The following PTPRD variants were observed in gnomAD, a reference collection of about 807,000 sequenced individuals.
The protein encoded by PTPRD is receptor-type tyrosine-protein phosphatase delta.
In PTPRD, 34 loss-of-function variants were observed where a neutral mutation model predicts 214.5. The ratio of observed to expected loss-of-function variants is 0.16; its 90% CI spans 0.12 to 0.21. The LOEUF is 0.21. Ranked by LOEUF, PTPRD falls within the 10% of genes least tolerant of loss-of-function variation. The pLI, the probability that PTPRD is intolerant of heterozygous loss-of-function variation, is 1.00. For missense variants in PTPRD, 2,545 were observed against 2,398.7 expected, an observed-to-expected ratio of 1.06 and a Z score of -1.27; for synonymous variants, 1,128 against 845.7, an observed-to-expected ratio of 1.33 and a Z score of -5.79.
At chr9:10,199,061 T>G (rs988990745) in intron 3 of PTPRD, among the ~76,000 whole-genome samples, 3 of 152,046 alleles carry the variant, frequency 2.0e-5, no homozygotes, top group South Asian at 2.1e-4. Flanking sequence ...CAAATTCTTT[T>G]TTTTTTTCTT....
At chr9:9,548,802 C>G (rs368713193) in intron 8 of PTPRD, among the ~76,000 whole-genome samples, 1 of 151,964 alleles carries the variant, frequency 6.6e-6, no homozygotes, top group African/African-American at 2.4e-5. Context: ...ATGGTCAATT[C>G]GGCAAGTAGA....
intron 9 of PTPRD, among the ~76,000 whole-genome samples, chr9:9,259,411 T>C (rs537345835): frequency 6.6e-6 from 1 of 152,058 alleles, no homozygotes; most frequent in South Asian, 2.1e-4. Flanking sequence ...GAGATTCTGC[T>C]GTCTTTGTAC....
chr9:10,262,981 C>G (rs369894439), intron 3 of PTPRD, among the ~76,000 whole-genome samples: 7 of 152,128 alleles, frequency 4.6e-5, no homozygotes, highest in African/African-American at 1.7e-4. Context: ...CTCAAGAGAT[C>G]TGATGGTTTT....
intron 3 of PTPRD, among the ~76,000 whole-genome samples, chr9:10,093,932 C>T (rs1381043986): frequency 6.6e-6 from 1 of 151,240 alleles, no homozygotes; most frequent in Non-Finnish European, 1.5e-5. Context: ...CGGGGGACTA[C>T]TAGAGCAGGG....
At chr9:10,064,234 G>C (rs1257794332) in intron 3 of PTPRD, among the ~76,000 whole-genome samples, 1 of 151,698 alleles carries the variant, frequency 6.6e-6, no homozygotes, top group East Asian at 1.9e-4. Flanking sequence ...TTACAGTATG[G>C]TGAATTGTTT....
intron 2 of PTPRD, among the ~76,000 whole-genome samples, chr9:10,524,750 G>A (rs1050629787): frequency 6.6e-6 from 1 of 152,090 alleles, no homozygotes; most frequent in Non-Finnish European, 1.5e-5. Context: ...AGAGAAAATC[G>A]AGTTCATGGA....
At chr9:8,694,201 A>G (rs1033924957) in intron 12 of PTPRD, among the ~76,000 whole-genome samples, 1 of 152,182 alleles carries the variant, frequency 6.6e-6, no homozygotes, top group Non-Finnish European at 1.5e-5. Context: ...GAAATAAATA[A>G]TTTTCTGGGA....
chr9:9,163,009 C>A (rs1195525073), intron 10 of PTPRD, among the ~76,000 whole-genome samples: 3 of 152,026 alleles, frequency 2.0e-5, no homozygotes, highest in African/African-American at 7.2e-5. Flanking sequence ...TCTGGTGTGC[C>A]TCCTTCCGCA....
chr9:9,497,190 A>G (rs774050463), intron 8 of PTPRD, among the ~76,000 whole-genome samples: 8 of 152,186 alleles, frequency 5.3e-5, no homozygotes, highest in Non-Finnish European at 1.2e-4. Context: ...CTGCACAACA[A>G]TATGAATATA....
At chr9:9,380,512 A>G (rs2061908768) in intron 9 of PTPRD, among the ~76,000 whole-genome samples, 1 of 152,008 alleles carries the variant, frequency 6.6e-6, no homozygotes, top group Admixed American at 6.6e-5. Context: ...TCTTTCTGTT[A>G]TTGATTTATA....
chr9:8,333,517 C>T (rs768719522), intron 43 of PTPRD, among the ~76,000 whole-genome samples: 17 of 152,144 alleles, frequency 1.1e-4, no homozygotes, highest in Admixed American at 2.6e-4. Flanking sequence ...GAGATTATGT[C>T]ACCACCAGGC....
At chr9:10,016,716 G>A (rs1380285163) in intron 4 of PTPRD, among the ~76,000 whole-genome samples, 2 of 151,732 alleles carry the variant, frequency 1.3e-5, no homozygotes, top group Non-Finnish European at 2.9e-5. Context: ...CCAGGCTGGA[G>A]TGCAGTGGCA....
At chr9:9,313,360 T>C (rs1311268614) in intron 9 of PTPRD, among the ~76,000 whole-genome samples, 1 of 152,182 alleles carries the variant, frequency 6.6e-6, no homozygotes, top group East Asian at 1.9e-4. Context: ...TATTAGTTTG[T>C]GGTACAATTG....
chr9:10,379,822 A>G (rs2097787327), intron 2 of PTPRD, among the ~76,000 whole-genome samples: 1 of 152,072 alleles, frequency 6.6e-6, no homozygotes, highest in Non-Finnish European at 1.5e-5. Flanking sequence ...GTGTGTAGAG[A>G]TTACCAAATA....
intron 11 of PTPRD, among the ~76,000 whole-genome samples, chr9:8,755,296 G>T (rs12003828): frequency 2.0e-5 from 3 of 151,408 alleles, no homozygotes; most frequent in Non-Finnish European, 4.4e-5. Context: ...TTGGGAGGCC[G>T]AGGTGGACGG....
intron 3 of PTPRD, among the ~76,000 whole-genome samples, chr9:10,041,826 T>C (rs1223485713): frequency 6.6e-6 from 1 of 152,052 alleles, no homozygotes; most frequent in Non-Finnish European, 1.5e-5. Flanking sequence ...AGATATAAAC[T>C]TTAGATCTAT....
chr9:8,610,575 A>G (rs1221882803), intron 14 of PTPRD, among the ~76,000 whole-genome samples: 4 of 152,184 alleles, frequency 2.6e-5, no homozygotes, highest in African/African-American at 7.2e-5. Flanking sequence ...TTCTATTTGA[A>G]CAGCAAAAAA....
intron 10 of PTPRD, among the ~76,000 whole-genome samples, chr9:9,147,332 A>T (rs1455769376): frequency 6.9e-6 from 1 of 144,256 alleles, no homozygotes; most frequent in Non-Finnish European, 1.5e-5. Context: ...GGGGTGGGGG[A>T]GGGGATTAAT....
At chr9:10,012,369 A>T (rs1356461076) in intron 4 of PTPRD, among the ~76,000 whole-genome samples, 4 of 151,956 alleles carry the variant, frequency 2.6e-5, no homozygotes. Context: ...ATGGAAAAAA[A>T]AATCGTGTTT....
Sources: allele counts gnomAD v4.1 joint callset (sites outside exome capture counted in the v4.1 genomes callset), GRCh38; gene constraint gnomAD v4.1.1; transcripts MANE v1.5; gene names NCBI Gene and HGNC (gene_info 2026-07-23, HGNC 2026-07-21).